The following PGM5 variants were observed in gnomAD, a reference collection of about 807,000 sequenced individuals.
PGM5 encodes phosphoglucomutase 5.
PGM5 carries 23 observed loss-of-function variants against 59.2 expected under a neutral mutation model. The ratio of observed to expected loss-of-function variants is 0.39; its 90% CI spans 0.28 to 0.55. The LOEUF (loss-of-function observed/expected upper bound fraction) is 0.55. PGM5 is among the 20% of genes least tolerant of loss of function. PGM5 has a pLI of 0.66. For missense variants in PGM5, 574 were observed against 748.3 expected (o/e 0.77, Z 2.72); for synonymous variants, 214 against 286.0 (o/e 0.75, Z 2.54).
At chr9:68,499,068 C>A in intron 9 of PGM5, 159 bp from the exon 10 acceptor site, 2 of 735,850 alleles carry the variant, frequency 2.7e-6, no homozygotes, top group South Asian at 3.5e-5. Flanking sequence ...GTAGGTTCAT[C>A]ACATTCATTA....
chr9:68,495,856 T>C (rs1554688109), intron 9 of PGM5, among the ~76,000 whole-genome samples: 1 of 152,230 alleles, frequency 6.6e-6, no homozygotes, highest in Non-Finnish European at 1.5e-5. Flanking sequence ...GCAAGTATTC[T>C]ATGTTGTGAA....
At chr9:68,413,952 G>A (rs11141888) in intron 6 of PGM5, among the ~76,000 whole-genome samples, 8,187 of 152,226 alleles carry the variant, frequency 0.054, 632 homozygotes, top group East Asian at 0.41. Flanking sequence ...CAGTATTGAA[G>A]GTGGGGCCTA....
intron 6 of PGM5, among the ~76,000 whole-genome samples, chr9:68,399,618 T>C (rs1822613546): frequency 1.3e-5 from 2 of 151,402 alleles, no homozygotes; most frequent in African/African-American, 4.9e-5. Flanking sequence ...ATTAATTGCC[T>C]ATTCCTGTCC....
chr9:68,367,178 C>CACA (rs1554676770), intron 1 of PGM5, among the ~76,000 whole-genome samples: 1 of 151,506 alleles, frequency 6.6e-6, no homozygotes, highest in Non-Finnish European at 1.5e-5. Context: ...TAGACTTTCA[C>CACA]ACAACATAAA....
chr9:68,406,660 GTATATATATATATA>G, intron 6 of PGM5, among the ~76,000 whole-genome samples: 2 of 57,636 alleles, frequency 3.5e-5, no homozygotes, highest in South Asian at 6.7e-4. Context: ...ATTAAATTAG[GTATATATATATATA>G]TATGTATATA....
chr9:68,450,081 C>A (rs555989087), intron 6 of PGM5, among the ~76,000 whole-genome samples: 76 of 152,096 alleles, frequency 5.0e-4, no homozygotes, highest in Admixed American at 1.0e-3. Flanking sequence ...AAGTGTGAAC[C>A]CCTTTTGAGG....
At chr9:68,402,324 G>A (rs1314554081) in intron 6 of PGM5, 1 of 151,798 alleles carries the variant, frequency 6.6e-6, no homozygotes, top group Non-Finnish European at 1.5e-5. Flanking sequence ...TGATAAAGGT[G>A]ATAAAAATAA....
intron 6 of PGM5, among the ~76,000 whole-genome samples, chr9:68,458,414 G>T (rs1554685109): frequency 6.6e-6 from 1 of 152,134 alleles, no homozygotes; most frequent in Admixed American, 6.5e-5. Flanking sequence ...TTTATAATTG[G>T]TCAAACTCTA....
chr9:68,462,142 T>C lies in PGM5; in HGVS notation c.1044-2951T>C, dbSNP rs146931819. The stretch of plus-strand genomic sequence containing the variant: ...GCTCCTTCTCACTCGCAGGAAAAAA[T>C]GTGGCCCAGGTTACCTTTCTTTTTT... On this transcript the variant is annotated intron_variant, in intron 6 of 10. Coordinates refer to ENST00000396396, the MANE Select transcript of PGM5 (RefSeq NM_021965.4). 2.1e-3 allele frequency among the ~76,000 whole-genome samples: 318 copies of C among 151,854 alleles called. 2 individuals carry two copies. The highest frequency in any genetic ancestry group is 7.3e-3 in the African/African-American group (301 of 41,304).
intron 10 of PGM5, among the ~76,000 whole-genome samples, chr9:68,520,751 C>T (rs937428397): frequency 1.3e-4 from 20 of 152,170 alleles, no homozygotes; most frequent in Non-Finnish European, 2.5e-4. Flanking sequence ...AACGGTATTG[C>T]TAAAGAAAAA....
chr9:68,394,487 C>CA, intron 6 of PGM5: 1 of 151,914 alleles, frequency 6.6e-6, no homozygotes, highest in Admixed American at 6.6e-5. Context: ...ACAACAACAA[C>CA]AAAAAAATAC....
Position 68,471,616 on chromosome 9 carries a change from T to TAA in PGM5, c.1159+6424_1159+6425dup, listed in dbSNP as rs782012642. 5.2e-4 allele frequency among the ~76,000 whole-genome samples: 69 copies of TAA among 132,806 alleles called. 1 individual carries two copies. Among genetic ancestry groups the TAA allele is most frequent in the Middle Eastern group, 7.4e-3 (2 of 270 alleles). The allele number at this position is 132,806 out of a possible 152,430, so 87.1% of individuals were successfully genotyped here. ...GTCAACACAAAAAGACCCTGTCTCTTAAAAAAAAAAAAAAAAAGAGAGACT... is the reference window on the plus strand; with the variant it reads ...GTCAACACAAAAAGACCCTGTCTCTTAAAAAAAAAAAAAAAAAAAGAGAGACT... On this transcript the variant is annotated intron_variant, in intron 7 of 10. Transcript: ENST00000396396.
intron 10 of PGM5, among the ~76,000 whole-genome samples, chr9:68,525,544 G>GT (rs1268772409): frequency 2.6e-5 from 4 of 152,302 alleles, no homozygotes; most frequent in Non-Finnish European, 5.9e-5. Flanking sequence ...TTGATATTTA[G>GT]TGATGGTGCT....
chr9:68,446,707 T>C (rs547908377), intron 6 of PGM5, among the ~76,000 whole-genome samples: 4 of 152,368 alleles, frequency 2.6e-5, no homozygotes, highest in Admixed American at 2.6e-4. Flanking sequence ...GCTCTGCATA[T>C]ACTTTGGCTT....
chr9:68,390,811 C>G lies in PGM5; in HGVS notation c.698-723C>G, dbSNP rs1287270342. Among the ~76,000 whole-genome samples the G allele has an allele frequency of 3.9e-5, 6 of 151,994 alleles. No individual in the cohort carries two copies. The East Asian group carries it at 9.8e-4, about 25-fold the overall frequency. On this transcript the variant is annotated intron_variant, in intron 4 of 10. Coordinates refer to ENST00000396396, the MANE Select transcript of PGM5 (RefSeq NM_021965.4). ...CAGAAATGCTGCTTCTTCCTTGAAG[C>G]CTTATGTGTGGTTATTGCTTCTCTG...
chr9:68,357,520 G>C, intron 1 of PGM5, 132 bp downstream of exon 1: 5 of 1,483,994 alleles, frequency 3.4e-6, no homozygotes, highest in Non-Finnish European at 4.5e-6. Context: ...TCACTCCCGC[G>C]TCCTCACCCT....
rs565394189 is a variant in PGM5, at chr9:68,458,637, A to T, written c.1044-6456A>T. Among the ~76,000 whole-genome samples the T allele has an allele frequency of 7.8e-4, 119 of 152,278 alleles. 1 individual carries two copies. The East Asian group carries it at 0.02, about 26-fold the overall frequency. ...TGATAAGACAGGCAAGGCAGGGGTT[A>T]TTTAATATGTGGATTTTGAAGTTTA... On this transcript the variant is annotated intron_variant, in intron 6 of 10. Transcript: ENST00000396396.
intron 7 of PGM5, among the ~76,000 whole-genome samples, chr9:68,470,899 A>T (rs549772291): frequency 1.3e-5 from 2 of 152,340 alleles, no homozygotes; most frequent in African/African-American, 4.8e-5. Context: ...CAGAGGTGCT[A>T]TGATTGACAC....
At chr9:68,449,070 G>A (rs1823656408) in intron 6 of PGM5, among the ~76,000 whole-genome samples, 1 of 152,236 alleles carries the variant, frequency 6.6e-6, no homozygotes, top group South Asian at 2.1e-4. Flanking sequence ...CTGGTTCATA[G>A]ATGGCTGTCT....
Sources: gnomAD v4.1 joint callset for allele counts (sites outside exome capture counted in the v4.1 genomes callset) on GRCh38, gnomAD v4.1.1 for gene constraint, MANE v1.5 for transcripts, NCBI Gene and HGNC (gene_info 2026-07-23, HGNC 2026-07-21) for gene names.